DCC: variants seen among roughly 807,000 people sequenced by gnomAD.
DCC encodes netrin receptor DCC.
DCC carries 58 observed loss-of-function variants against 172.5 expected under a neutral mutation model. That is an observed-to-expected ratio of 0.34 (90% CI 0.27 to 0.42). DCC has a LOEUF of 0.42. Ranked by LOEUF, DCC falls within the 10% of genes least tolerant of loss-of-function variation. The pLI is 1.00. For synonymous variants in DCC, 709 were observed against 644.5 expected (o/e 1.10, Z -1.52); for missense variants, 1,740 against 1,791.0 (o/e 0.97, Z 0.51).
At chr18:53,062,215 C>CT (rs1199031121) in intron 5 of DCC, among the ~76,000 whole-genome samples, 1 of 152,012 alleles carries the variant, frequency 6.6e-6, no homozygotes, top group Non-Finnish European at 1.5e-5. Flanking sequence ...TTTACCAGCT[C>CT]TTTTATTTTT....
chr18:53,164,175 T>C (rs984550496), intron 8 of DCC, among the ~76,000 whole-genome samples: 8 of 152,198 alleles, frequency 5.3e-5, no homozygotes, highest in African/African-American at 1.9e-4. Context: ...TCCAATAATT[T>C]TTTGACTTAA....
rs1022425299 is a variant in DCC at position 52,340,952 on chromosome 18, G to A, written c.91+74G>A. The stretch of plus-strand genomic sequence containing the variant: ...CTTCCCTTCTCATTTCATTTGGCGA[G>A]TAGTAGAATTGGGGTGGGGGATAGC... On this transcript the variant is annotated intron_variant, in intron 1 of 28. Transcript: ENST00000442544. The A allele has an allele frequency of 5.0e-6, 6 of 1,204,624 alleles. No individual in the cohort carries two copies. The East Asian group carries it at 1.2e-4, about 23-fold the overall frequency. The allele number at this position is 1,204,624 out of a possible 1,614,324, so 74.6% of individuals were successfully genotyped here.
chr18:52,610,209 AT>A (rs2034243947), intron 1 of DCC, among the ~76,000 whole-genome samples: 1 of 81,322 alleles, frequency 1.2e-5, no homozygotes, highest in Non-Finnish European at 2.3e-5. Flanking sequence ...ATATATATAT[AT>A]ATATATATAT....
intron 1 of DCC, among the ~76,000 whole-genome samples, chr18:52,745,436 C>A (rs1324036517): frequency 6.6e-6 from 1 of 152,098 alleles, no homozygotes; most frequent in Non-Finnish European, 1.5e-5. Context: ...GGCTCTACTG[C>A]CACAGTTTCT....
intron 12 of DCC, among the ~76,000 whole-genome samples, chr18:53,242,704 C>T (rs962829803): frequency 6.6e-6 from 1 of 152,134 alleles, no homozygotes; most frequent in Non-Finnish European, 1.5e-5. Context: ...TTACACATCT[C>T]TACAAAATAT....
At chr18:53,349,390 A>G (rs1173611756) in intron 15 of DCC, among the ~76,000 whole-genome samples, 2 of 152,166 alleles carry the variant, frequency 1.3e-5, no homozygotes, top group African/African-American at 2.4e-5. Context: ...GGAAGTTCCA[A>G]ACGTTTCCAC....
intron 1 of DCC, among the ~76,000 whole-genome samples, chr18:52,616,167 T>C (rs1398120124): frequency 6.6e-6 from 1 of 152,188 alleles, no homozygotes; most frequent in Non-Finnish European, 1.5e-5. Context: ...TCACTAGTTG[T>C]TCCTCTTTCT....
intron 2 of DCC, among the ~76,000 whole-genome samples, chr18:52,878,815 T>A (rs1268080833): frequency 6.6e-6 from 1 of 152,214 alleles, no homozygotes; most frequent in Non-Finnish European, 1.5e-5. Flanking sequence ...TGCTGGGATA[T>A]CTGAAGGTAT....
At chr18:53,519,400 C>T (rs141913241) in intron 27 of DCC, among the ~76,000 whole-genome samples, 47 of 152,094 alleles carry the variant, frequency 3.1e-4, no homozygotes, top group African/African-American at 9.9e-4. Context: ...GAGTGGGAAA[C>T]GTTTCATCTT....
chr18:52,917,116 C>CA (rs36010390), intron 3 of DCC, among the ~76,000 whole-genome samples: 48,079 of 81,904 alleles, frequency 0.59, 11,552 homozygotes, highest in Middle Eastern at 0.65. Flanking sequence ...AACCCCGTCT[C>CA]AAAAAAAAAA....
rs570728774 is a variant in DCC, at chr18:53,095,754, T to C, written c.1261+29588T>C. ...ATATCCGTAATGTCTTTTTTTACCA[T>C]GTAAATTAACAATTTCTAGGGATTG... On this transcript the variant is annotated intron_variant, in intron 7 of 28. Coordinates refer to ENST00000442544, the MANE Select transcript of DCC (RefSeq NM_005215.4). Among the ~76,000 whole-genome samples, 25 of 151,436 alleles carry C rather than the reference T, an allele frequency of 1.7e-4. 1 individual carries two copies. Among genetic ancestry groups the C allele is most frequent in the African/African-American group, 6.0e-4 (25 of 41,354 alleles).
chr18:52,652,937 T>C (rs2035171435), intron 1 of DCC, among the ~76,000 whole-genome samples: 1 of 152,046 alleles, frequency 6.6e-6, no homozygotes, highest in Non-Finnish European at 1.5e-5. Flanking sequence ...ACACAGAGAA[T>C]AACAAAACAG....
At chr18:52,490,239 T>C (rs987274406) in intron 1 of DCC, among the ~76,000 whole-genome samples, 1 of 152,126 alleles carries the variant, frequency 6.6e-6, no homozygotes, top group Admixed American at 6.6e-5. Context: ...AGGAAAAGAA[T>C]GTCATCTCTT....
chr18:53,500,348 AAAATCCTCAGT>A (rs1464488891), intron 27 of DCC, among the ~76,000 whole-genome samples: 2 of 152,188 alleles, frequency 1.3e-5, no homozygotes, highest in African/African-American at 2.4e-5. Context: ...AATAATTCTT[AAAATCCTCAGT>A]ATATCAGGCA....
At chr18:53,507,856 G>A (rs1197451326) in intron 27 of DCC, among the ~76,000 whole-genome samples, 2 of 150,330 alleles carry the variant, frequency 1.3e-5, no homozygotes, top group African/African-American at 4.9e-5. Flanking sequence ...TTCTACTTCT[G>A]AGGTCACCTG....
intron 1 of DCC, among the ~76,000 whole-genome samples, chr18:52,457,083 G>C (rs1473467323): frequency 6.6e-6 from 1 of 151,880 alleles, no homozygotes; most frequent in Non-Finnish European, 1.5e-5. Context: ...GGTTCTCTTT[G>C]TCACAAAAGG....
chr18:52,594,641 C>G (rs1275739757), intron 1 of DCC, among the ~76,000 whole-genome samples: 4 of 152,194 alleles, frequency 2.6e-5, no homozygotes, highest in Non-Finnish European at 1.5e-5. Context: ...GCTCACAGCT[C>G]TACAGGCTGT....
intron 15 of DCC, among the ~76,000 whole-genome samples, chr18:53,342,329 A>G (rs2057668183): frequency 6.6e-6 from 1 of 151,978 alleles, no homozygotes; most frequent in African/African-American, 2.4e-5. Context: ...AAATATTTAT[A>G]ATTAATCTAT....
At chr18:52,747,286 G>C (rs1413848561) in intron 1 of DCC, among the ~76,000 whole-genome samples, 2 of 152,108 alleles carry the variant, frequency 1.3e-5, no homozygotes, top group East Asian at 1.9e-4. Flanking sequence ...AGAGTTCAAA[G>C]GATTTCTTTC....
Sources: allele counts gnomAD v4.1 joint callset (sites outside exome capture counted in the v4.1 genomes callset), GRCh38; gene constraint gnomAD v4.1.1; transcripts MANE v1.5; gene names NCBI Gene and HGNC (gene_info 2026-07-23, HGNC 2026-07-21).